GFPT1: variants seen among roughly 807,000 people sequenced by gnomAD.
GFPT1 encodes glutamine--fructose-6-phosphate aminotransferase [isomerizing] 1.
Under a neutral mutation model 92.0 loss-of-function variants are expected in GFPT1, and 40 were observed. The observed-to-expected ratio is 0.43, with a 90% CI of 0.34 to 0.57. The LOEUF (loss-of-function observed/expected upper bound fraction) is 0.57, where lower values mean the gene tolerates loss of function less well. GFPT1 is among the 20% of genes least tolerant of loss of function. The pLI, the probability that GFPT1 is intolerant of heterozygous loss-of-function variation, is 0.02. For synonymous variants in GFPT1, 269 were observed against 280.6 expected, an observed-to-expected ratio of 0.96 and a Z score of 0.41; for missense variants, 448 against 869.1, an observed-to-expected ratio of 0.52 and a Z score of 6.09.
Position 69,354,547 on chromosome 2 carries a change from A to C in GFPT1, c.627T>G (p.Ile209Met). 6.2e-7 allele frequency: 1 copy of C among 1,609,896 alleles called. No individual in the cohort carries two copies. The highest frequency in any genetic ancestry group is 8.5e-7 in the Non-Finnish European group (1 of 1,176,158). Residue 209 changes from isoleucine (I) to methionine (M), a missense_variant, in exon 8 of 20, where the codon ATT becomes ATG. By Grantham distance (10) the Ile-to-Met change is conservative. Coordinates refer to ENST00000357308, the MANE Select transcript of GFPT1 (RefSeq NM_001244710.2). ...AAAGTTTATGTTCACTCCGTACACC[A>C]ATCAACAGAGGGCTACCTCGCCTGT... ...VGTRRGSPLL[I>M]GVRSEHKLST... is the part of the protein sequence containing the mutation.
At chr2:69,330,772 T>C (rs1468989229) in intron 15 of GFPT1, among the ~76,000 whole-genome samples, 1 of 152,190 alleles carries the variant, frequency 6.6e-6, no homozygotes, top group Non-Finnish European at 1.5e-5. Context: ...TTTTATAACT[T>C]GCTTTCACTC....
chr2:69,352,472 G>A (rs1023117247), intron 9 of GFPT1, among the ~76,000 whole-genome samples: 24 of 151,542 alleles, frequency 1.6e-4, no homozygotes, highest in African/African-American at 5.8e-4. Context: ...AATTTGCTGG[G>A]TGTGGTGGCA....
Position 69,351,159 on chromosome 2 carries a change from C to T in GFPT1, c.740-976G>A, listed in dbSNP as rs185766599. Among the ~76,000 whole-genome samples, 945 of 152,254 alleles carry T rather than the reference C, an allele frequency of 6.2e-3. 19 individuals carry two copies. In the East Asian group the frequency reaches 0.066, roughly 11 times the overall value. On this transcript the variant is annotated intron_variant, in intron 9 of 19. Transcript: ENST00000357308. ...CCTTTCTTCAACTTGGGTTTTCTTA[C>T]TCTTCCTTTAAGTCAGGATAAAGTA...
rs1348176647 is a variant in GFPT1 at position 69,329,417 on chromosome 2, A to T, written c.1605T>A (p.Ile535=). The T allele has an allele frequency of 6.2e-7, 1 of 1,603,206 alleles. No individual in the cohort carries two copies. The highest frequency in any genetic ancestry group is 1.1e-5 in the South Asian group (1 of 90,804). The change falls in exon 17 of 20, where the codon ATT becomes ATA. Residue 535 remains isoleucine, a synonymous_variant. Coordinates refer to ENST00000357308, the MANE Select transcript of GFPT1 (RefSeq NM_001244710.2). The part of the protein sequence containing the change: ...MLGLKRLPDL[I]KEVLSMDDEI... ...CGTCATCCATGCTCAGTACTTCCTT[A>T]ATCAAATCTAAGAAGTAATATTAGC...
rs201672242 is a variant in GFPT1 at position 69,329,283 on chromosome 2, C to T, written c.1725+14G>A. 9.7e-5 allele frequency: 157 copies of T among 1,612,772 alleles called. 1 individual carries two copies. The highest frequency in any genetic ancestry group is 5.0e-4 in the Middle Eastern group (3 of 6,058). On this transcript the variant is annotated intron_variant, in intron 17 of 19. Coordinates refer to ENST00000357308, the MANE Select transcript of GFPT1 (RefSeq NM_001244710.2). ...GTCAATGGACTGATACTAATTAGAA[C>T]TGAGAAAACTTACCAGTGCCCCTTC...
At chr2:69,343,616 T>C (rs1363899033) in intron 12 of GFPT1, among the ~76,000 whole-genome samples, 3 of 151,676 alleles carry the variant, frequency 2.0e-5, no homozygotes, top group Non-Finnish European at 4.4e-5. Context: ...TTCACCATGT[T>C]GGCTAGGCTC....
chr2:69,339,333 T>A (rs1670879524), intron 13 of GFPT1, among the ~76,000 whole-genome samples: 1 of 152,122 alleles, frequency 6.6e-6, no homozygotes, highest in East Asian at 1.9e-4. Context: ...CCAAAAGAAG[T>A]CAATATATTT....
chr2:69,369,852 ACTACTTTTCTTTCCTCC>A, intron 3 of GFPT1, 132 bp downstream of exon 3: 1 of 685,764 alleles, frequency 1.5e-6, no homozygotes, highest in Non-Finnish European at 2.7e-6. Flanking sequence ...CAGTAACAAA[ACTACTTTTCTTTCCTCC>A]CTTCAATGTT....
At chr2:69,330,933 A>T (rs184481601) in intron 15 of GFPT1, among the ~76,000 whole-genome samples, 4 of 152,312 alleles carry the variant, frequency 2.6e-5, no homozygotes, top group Non-Finnish European at 4.4e-5. Flanking sequence ...AATGAGACAA[A>T]TGTAACGCAT....
intron 14 of GFPT1, 92 bp from the exon 15 acceptor site, chr2:69,338,147 A>C (rs1670847118): frequency 9.1e-7 from 1 of 1,102,738 alleles, no homozygotes; most frequent in African/African-American, 1.5e-5. Flanking sequence ...CACTTTCAAC[A>C]ATATTACTTG....
rs141520017 is a variant in GFPT1, at chr2:69,350,155, G to A, written c.768C>T (p.Leu256=). Residue 256 remains leucine (L), a synonymous_variant, in exon 10 of 20, where the codon CTC becomes CTT. Transcript: ENST00000357308. ...GGCAGGTTGTGCTGTCCACACGAGA[G>A]AGATTGCAGCTTCCTTTCTTGTCTT... ...RGKDKKGSCN[L]SRVDSTTCLF... is the part of the protein sequence containing the mutation. 9.5e-5 allele frequency: 153 copies of A among 1,613,644 alleles called. No individual in the cohort carries two copies. The highest frequency in any genetic ancestry group is 1.3e-4 in the Non-Finnish European group (150 of 1,179,720).
At chr2:69,341,631 T>C (rs770374366) in intron 13 of GFPT1, among the ~76,000 whole-genome samples, 1 of 149,150 alleles carries the variant, frequency 6.7e-6, no homozygotes, top group African/African-American at 2.5e-5. Context: ...CATACACCTA[T>C]GCTTCTGCAC....
chr2:69,338,707 A>C (rs1670861370), intron 13 of GFPT1, 142 bp from the exon 14 acceptor site: 2 of 636,594 alleles, frequency 3.1e-6, no homozygotes, highest in Non-Finnish European at 5.1e-6. Flanking sequence ...AGATTAAAAT[A>C]TTTAAAAAAA....
In GFPT1 at chr2:69,374,015, C is replaced by A; in HGVS notation, c.106G>T (p.Asp36Tyr). Reference protein sequence around the residue: ...GLQRLEYRGYDSAGVGFDGGN... With the variant: ...GLQRLEYRGYYSAGVGFDGGN... Reference sequence around the variant, plus strand: ...ATTTTTTTTAAAGTACCAGCAGAATCATATCCTCTGTACTCCAGTCTCTGA... The same window carrying A: ...ATTTTTTTTAAAGTACCAGCAGAATAATATCCTCTGTACTCCAGTCTCTGA... The change falls in exon 2 of 20, where the codon GAT becomes TAT. Residue 36 changes from aspartate to tyrosine, a missense_variant. Asp to Tyr is a radical substitution (Grantham distance 160, BLOSUM62 -3). Transcript: ENST00000357308. 1 of 1,468,782 alleles carries A rather than the reference C, an allele frequency of 6.8e-7. No individual in the cohort carries two copies. Among genetic ancestry groups the A allele is most frequent in the South Asian group, 1.1e-5 (1 of 88,024 alleles). The allele number at this position is 1,468,782 out of a possible 1,614,324, so 91.0% of individuals were successfully genotyped here.
chr2:69,342,333 A>C, intron 12 of GFPT1, 84 bp from the exon 13 acceptor site: 2 of 821,002 alleles, frequency 2.4e-6, no homozygotes, highest in Non-Finnish European at 4.3e-6. Flanking sequence ...TCCACTGCCA[A>C]TATGAGGAAG....
chr2:69,326,139 G>T lies in GFPT1; in HGVS notation c.*50C>A. 1 of 1,202,048 alleles carries T rather than the reference G, an allele frequency of 8.3e-7. No individual in the cohort carries two copies. Among genetic ancestry groups the T allele is most frequent in the Non-Finnish European group, 1.2e-6 (1 of 809,494 alleles). The allele number at this position is 1,202,048 out of a possible 1,614,324, so 74.5% of individuals were successfully genotyped here. On this transcript the variant is annotated 3_prime_UTR_variant, in exon 20 of 20. Transcript: ENST00000357308. ...AATCAAGGTTTTAAATACAAAAGGT[G>T]TCTTGTGTTGCTTAATCATACAGTT...
chr2:69,346,707 G>T (rs888323389), intron 11 of GFPT1, among the ~76,000 whole-genome samples: 5 of 151,720 alleles, frequency 3.3e-5, no homozygotes, highest in South Asian at 2.1e-4. Context: ...TATATATATA[G>T]AGTTATGCAA....
At chr2:69,385,220 TTTA>T (rs1469857238) in intron 1 of GFPT1, among the ~76,000 whole-genome samples, 1 of 152,170 alleles carries the variant, frequency 6.6e-6, no homozygotes. Context: ...GATTTATTTA[TTTA>T]TATTTATTTA....
chr2:69,324,985 A>G lies in GFPT1; in HGVS notation c.*1204T>C, dbSNP rs1224265028. The G allele has an allele frequency of 1.3e-5, 2 of 152,218 alleles. No individual in the cohort carries two copies. The highest frequency in any genetic ancestry group is 4.8e-5 in the African/African-American group (2 of 41,454). The allele number at this position is 152,218 out of a possible 1,614,324, so 9.4% of individuals were successfully genotyped here. A position where few individuals can be genotyped will look rare whatever the true frequency, so the allele number is the denominator to read the frequency against. ...ATTTATATCTTCTTTATTCCTAAAT[A>G]TATTTCAGGGGTAGAGCACAGAAAA... On this transcript the variant is annotated 3_prime_UTR_variant, in exon 20 of 20. Transcript: ENST00000357308.
Sources: allele counts gnomAD v4.1 joint callset (sites outside exome capture counted in the v4.1 genomes callset), GRCh38; gene constraint gnomAD v4.1.1; transcripts MANE v1.5; gene names NCBI Gene and HGNC (gene_info 2026-07-23, HGNC 2026-07-21).